Variants in CHD7 observed in about 807,000 individuals in gnomAD.
CHD7 encodes the protein chromodomain helicase DNA binding protein 7.
In CHD7, 24 loss-of-function variants were observed where a neutral mutation model predicts 307.3. The observed-to-expected ratio is 0.08, with a 90% CI of 0.06 to 0.11. The LOEUF (loss-of-function observed/expected upper bound fraction) is 0.11. Among genes scored for constraint, CHD7 ranks in the 10% least tolerant of loss-of-function variants. The pLI, the probability that CHD7 is intolerant of heterozygous loss-of-function variation, is 1.00. For missense variants in CHD7, 3,106 were observed against 3,727.1 expected, an observed-to-expected ratio of 0.83 and a Z score of 4.34; for synonymous variants, 1,363 against 1,349.9, an observed-to-expected ratio of 1.01 and a Z score of -0.21.
At chr8:60,725,808 C>T (rs1327407908) in intron 1 of CHD7, among the ~76,000 whole-genome samples, 2 of 152,168 alleles carry the variant, frequency 1.3e-5, no homozygotes, top group Admixed American at 6.5e-5. Context: ...TCAGCTGACT[C>T]GCTTGTTTTA....
At chr8:60,828,179 G>A (rs1337861583) in intron 13 of CHD7, among the ~76,000 whole-genome samples, 2 of 152,160 alleles carry the variant, frequency 1.3e-5, no homozygotes, top group African/African-American at 4.8e-5. Context: ...GGAAATTTTT[G>A]CAGAACAAAA....
At chr8:60,751,449 C>A (rs1809638444) in intron 2 of CHD7, among the ~76,000 whole-genome samples, 1 of 152,178 alleles carries the variant, frequency 6.6e-6, no homozygotes, top group Non-Finnish European at 1.5e-5. Context: ...ATTAAGGGAA[C>A]AGCATTGTGA....
chr8:60,848,341 A>G (rs376158292), intron 23 of CHD7, among the ~76,000 whole-genome samples, 174 bp from the exon 24 acceptor site: 24 of 152,356 alleles, frequency 1.6e-4, no homozygotes, highest in South Asian at 6.2e-4. Flanking sequence ...GCCAGCAGAA[A>G]GCACCACACA....
Position 60,862,637 on chromosome 8 carries a change from T to G in CHD7, c.8061T>G (p.Asp2687Glu). 6.4e-7 allele frequency: 1 copy of G among 1,563,336 alleles called. No homozygotes were observed. The highest frequency in any genetic ancestry group is 1.2e-5 in the South Asian group (1 of 84,782). The part of the protein sequence containing the change: ...PEFAVAPDWT[D>E]IVKQSGFVPE... ...TTGCAGTTGCTCCAGACTGGACTGA[T>G]ATAGTTAAGCAGTCTGTAAGTACAA... is the stretch of plus-strand genomic sequence containing the variant. The change falls in exon 37 of 38, where the codon GAT (aspartate) becomes GAG (glutamate). Residue 2687 changes from aspartate (D) to glutamate (E), a missense_variant. Transcript: ENST00000423902.
chr8:60,851,942 TCA>T, intron 28 of CHD7, 75 bp from the exon 29 acceptor site: 1 of 953,216 alleles, frequency 1.0e-6, no homozygotes, highest in East Asian at 2.7e-5. Context: ...TCTTAATGAG[TCA>T]TCCTGTTTTG....
intron 6 of CHD7, among the ~76,000 whole-genome samples, chr8:60,803,244 A>G (rs1489446463): frequency 6.6e-6 from 1 of 152,170 alleles, no homozygotes; most frequent in Non-Finnish European, 1.5e-5. Flanking sequence ...TGTCGTTTAG[A>G]TGGGATATAT....
At chr8:60,795,433 A>G (rs535091591) in intron 4 of CHD7, among the ~76,000 whole-genome samples, 3 of 152,334 alleles carry the variant, frequency 2.0e-5, no homozygotes, top group African/African-American at 7.2e-5. Context: ...TTGTTAATAT[A>G]CTGGCTCATA....
chr8:60,756,698 C>T (rs1388600740), intron 2 of CHD7, among the ~76,000 whole-genome samples: 2 of 152,066 alleles, frequency 1.3e-5, no homozygotes, highest in East Asian at 3.9e-4. Flanking sequence ...CTTTTAAATG[C>T]ACACACACAT....
At chr8:60,795,230 T>G in intron 4 of CHD7, 103 bp downstream of exon 4, 1 of 1,073,938 alleles carries the variant, frequency 9.3e-7, no homozygotes, top group Non-Finnish European at 1.3e-6. Context: ...ATAGAGATGC[T>G]CTTGAGATGT....
At chr8:60,734,397 G>T (rs1808603478) in intron 1 of CHD7, among the ~76,000 whole-genome samples, 1 of 152,202 alleles carries the variant, frequency 6.6e-6, no homozygotes, top group African/African-American at 2.4e-5. Context: ...GGCTCCAGTC[G>T]CCAGAAAGAG....
At position 60,868,025 on chromosome 8, in the gene CHD7, T is replaced by A. The variant is rs1180891729; in HGVS notation, c.*2092T>A. The A allele has an allele frequency of 5.3e-5, 8 of 152,208 alleles. No individual in the cohort carries two copies. The highest frequency in any genetic ancestry group is 1.9e-4 in the East Asian group (1 of 5,200). 9.4% of individuals were successfully genotyped at this position (152,208 alleles called of 1,614,324 possible). ...ATGAGTCATTAAAGGGTGTTTTTTT[T>A]AAAGTTCTTTGTAGTATTGGAAATT... On this transcript the variant is annotated 3_prime_UTR_variant, in exon 38 of 38. Transcript: ENST00000423902.
chr8:60,728,565 G>A (rs941525466), intron 1 of CHD7, among the ~76,000 whole-genome samples: 5 of 152,062 alleles, frequency 3.3e-5, no homozygotes, highest in Admixed American at 1.3e-4. Flanking sequence ...TCGCTCTGTC[G>A]CCCAGGCTGG....
At chr8:60,771,809 G>C (rs1810726683) in intron 2 of CHD7, among the ~76,000 whole-genome samples, 1 of 152,210 alleles carries the variant, frequency 6.6e-6, no homozygotes, top group Non-Finnish European at 1.5e-5. Context: ...AGCTCCTGAA[G>C]TCTGCCTGAA....
In CHD7 at chr8:60,773,686, G is replaced by A. The variant is rs147105624; in HGVS notation, c.1666-7314G>A. 2.2e-4 allele frequency among the ~76,000 whole-genome samples: 34 copies of A among 152,264 alleles called. No individual in the cohort carries two copies. In the East Asian group the frequency reaches 5.0e-3, roughly 22 times the overall value. On this transcript the variant is annotated intron_variant, in intron 2 of 37. Transcript: ENST00000423902. ...GGGGTGGGGAGAGTTTTCAAGGCAGGGCAAGGAGCGGGCTAATTTTTTTGT... is the reference window on the plus strand; with the variant it reads ...GGGGTGGGGAGAGTTTTCAAGGCAGAGCAAGGAGCGGGCTAATTTTTTTGT...
At chr8:60,837,568 A>G in intron 17 of CHD7, 100 bp from the exon 18 acceptor site, 2 of 1,093,290 alleles carry the variant, frequency 1.8e-6, no homozygotes, top group Non-Finnish European at 2.6e-6. Context: ...CCACCTCCAA[A>G]TACCATCACA....
At chr8:60,711,840 C>T (rs1807294763) in intron 1 of CHD7, among the ~76,000 whole-genome samples, 1 of 152,228 alleles carries the variant, frequency 6.6e-6, no homozygotes, top group African/African-American at 2.4e-5. Context: ...ATTTTTCCTA[C>T]TGTATGTGAT....
At chr8:60,794,592 C>G (rs919148557) in intron 3 of CHD7, among the ~76,000 whole-genome samples, 1 of 152,058 alleles carries the variant, frequency 6.6e-6, no homozygotes, top group African/African-American at 2.4e-5. Context: ...GTAAAACTAT[C>G]CACAAAAGGC....
At chr8:60,791,508 G>T (rs375635759) in intron 3 of CHD7, among the ~76,000 whole-genome samples, 1 of 152,212 alleles carries the variant, frequency 6.6e-6, no homozygotes, top group Non-Finnish European at 1.5e-5. Context: ...ACCTAGAACA[G>T]TGGCCCTTTT....
At chr8:60,722,626 C>T (rs934343873) in intron 1 of CHD7, among the ~76,000 whole-genome samples, 1 of 152,104 alleles carries the variant, frequency 6.6e-6, no homozygotes, top group East Asian at 1.9e-4. Context: ...AAATCCAGTA[C>T]AAGTTAATAT....
Sources: gnomAD v4.1 joint callset for allele counts (sites outside exome capture counted in the v4.1 genomes callset) on GRCh38, gnomAD v4.1.1 for gene constraint, MANE v1.5 for transcripts, NCBI Gene and HGNC (gene_info 2026-07-23, HGNC 2026-07-21) for gene names.